Variants in VWF observed in about 807,000 individuals in gnomAD.
VWF encodes Factor VIII related antigen.
A neutral mutation model predicts 308.6 loss-of-function variants in VWF; 176 were observed. The observed-to-expected ratio is 0.57, with a 90% CI of 0.50 to 0.65. VWF has a LOEUF of 0.65. VWF is among the 30% of genes least tolerant of loss of function. The probability of loss-of-function intolerance (pLI) is 0.00; values close to 1 mark genes in which losing one functional copy is unlikely to be tolerated. For synonymous variants in VWF, 1,385 were observed against 1,443.4 expected, an observed-to-expected ratio of 0.96 and a Z score of 0.92; for missense variants, 3,146 against 3,648.2, an observed-to-expected ratio of 0.86 and a Z score of 3.55.
chr12:6,107,768 C>A (rs1286567699), intron 5 of VWF, among the ~76,000 whole-genome samples: 2 of 152,186 alleles, frequency 1.3e-5, no homozygotes, highest in Admixed American at 1.3e-4. Flanking sequence ...ATGCCATTCT[C>A]CTGCCTCAGC....
At position 6,049,980 on chromosome 12, in the gene VWF, C is replaced by T. The variant is rs184022313; in HGVS notation, c.2186+2563G>A. ...TCTTTTCTGCCCTCTGGCCCACTCC[C>T]CTTAGGGATCCTCGCTACTCTCATG... On this transcript the variant is annotated intron_variant, in intron 16 of 51. Coordinates refer to ENST00000261405, the MANE Select transcript of VWF (RefSeq NM_000552.5). Among the ~76,000 whole-genome samples the T allele has an allele frequency of 2.0e-5, 3 of 152,348 alleles. No individual in the cohort carries two copies. The East Asian group carries it at 5.8e-4, about 29-fold the overall frequency.
chr12:5,968,169 TGG>T lies in VWF; in HGVS notation c.7730-4_7730-3del, dbSNP rs1943426603. On this transcript the variant is annotated splice_polypyrimidine_tract_variant and splice_region_variant and intron_variant, in intron 45 of 51. Transcript: ENST00000261405. ...TGAGCATGCAGGCCTCCATGCGCTC[TGG>T]GGGAGAGAAAAGTGCAGAGTGAGAG... 4 of 1,614,000 alleles carry T rather than the reference TGG, an allele frequency of 2.5e-6. No individual in the cohort carries two copies. Among genetic ancestry groups the T allele is most frequent in the African/African-American group, 1.3e-5 (1 of 75,038 alleles).
At chr12:6,065,094 C>CT (rs748158924) in intron 11 of VWF, 43 bp downstream of exon 11, 6 of 1,613,478 alleles carry the variant, frequency 3.7e-6, no homozygotes, top group Non-Finnish European at 5.1e-6. Flanking sequence ...TATGCAGCAC[C>CT]TTGGGCTACC....
intron 34 of VWF, among the ~76,000 whole-genome samples, chr12:5,996,441 T>C (rs750578730): frequency 6.6e-6 from 1 of 152,198 alleles, no homozygotes; most frequent in Non-Finnish European, 1.5e-5. Context: ...ACTTGGCCAT[T>C]AAATATTTTC....
chr12:6,073,554 C>A, intron 8 of VWF, 65 bp downstream of exon 8: 2 of 1,611,532 alleles, frequency 1.2e-6, no homozygotes, highest in South Asian at 1.1e-5. Flanking sequence ...GCCTTCATCT[C>A]ACTTCCCAAA....
At chr12:6,095,826 A>C (rs902720189) in intron 5 of VWF, 1 of 483,090 alleles carries the variant, frequency 2.1e-6, no homozygotes, top group Admixed American at 3.0e-5. Flanking sequence ...ACCCCTCCTC[A>C]GGCAACCCAG....
At chr12:6,052,363 G>A (rs541302099) in intron 16 of VWF, among the ~76,000 whole-genome samples, 180 bp downstream of exon 16, 1 of 152,342 alleles carries the variant, frequency 6.6e-6, no homozygotes, top group Admixed American at 6.5e-5. Flanking sequence ...GTGTAGTAAG[G>A]AAGTCAGAAG....
At chr12:5,959,895 G>A (rs1482046062) in intron 47 of VWF, among the ~76,000 whole-genome samples, 1 of 151,172 alleles carries the variant, frequency 6.6e-6, no homozygotes, top group Non-Finnish European at 1.5e-5. Flanking sequence ...CATGAGCTAA[G>A]CTTCCATATT....
chr12:6,120,739 G>A (rs1344234362), intron 3 of VWF, among the ~76,000 whole-genome samples: 2 of 152,168 alleles, frequency 1.3e-5, no homozygotes, highest in Non-Finnish European at 2.9e-5. Flanking sequence ...ACATGGCAGG[G>A]ACAGTACCAG....
chr12:6,095,662 C>A, intron 5 of VWF, 78 bp from the exon 6 acceptor site: 2 of 1,604,180 alleles, frequency 1.2e-6, no homozygotes, highest in Non-Finnish European at 1.7e-6. Context: ...TCTAGGTCTG[C>A]TGGTGGTTTT....
chr12:6,122,402 G>A (rs1350568488), intron 2 of VWF, among the ~76,000 whole-genome samples: 2 of 152,232 alleles, frequency 1.3e-5, no homozygotes, highest in African/African-American at 4.8e-5. Context: ...CGGCGTCACA[G>A]GCTAACTCCT....
intron 5 of VWF, among the ~76,000 whole-genome samples, chr12:6,101,762 G>A (rs1418783713): frequency 2.0e-5 from 3 of 152,002 alleles, no homozygotes; most frequent in African/African-American, 4.8e-5. Context: ...GCGACAGAGT[G>A]AGACTCCATC....
At position 6,016,534 on chromosome 12, in the gene VWF, C is replaced by A. The variant is rs1268910016; in HGVS notation, c.5293G>T (p.Gly1765Ter). 1.9e-6 allele frequency: 3 copies of A among 1,614,072 alleles called. No homozygotes were observed. Among genetic ancestry groups the A allele is most frequent in the Non-Finnish European group, 2.5e-6 (3 of 1,180,038 alleles). The change falls in exon 30 of 52, where the codon GGA (glycine) becomes TGA (stop). Residue 1765 changes from glycine (G) to a stop codon, truncating the protein, a stop_gained. Coordinates refer to ENST00000261405, the MANE Select transcript of VWF (RefSeq NM_000552.5). LOFTEE classifies it high-confidence loss of function. ...ACGTTACCGATTTGGCTGGGGCCTC[C>A]CTCCCGCTGCATGACGTCCACAAGG... Reference protein sequence around the residue: ...LSLVDVMQREGGPSQIGDALG... With the variant: ...LSLVDVMQRE
chr12:6,009,545 C>T (rs1943968808), intron 34 of VWF, among the ~76,000 whole-genome samples: 2 of 151,952 alleles, frequency 1.3e-5, no homozygotes, highest in African/African-American at 2.4e-5. Flanking sequence ...AGTGGTGTCG[C>T]GACTACAGAA....
At chr12:5,965,162 C>T (rs75016138) in intron 47 of VWF, among the ~76,000 whole-genome samples, 4,611 of 152,276 alleles carry the variant, frequency 0.03, 202 homozygotes, top group African/African-American at 0.099. Context: ...AAACATCCTT[C>T]TCAGGAGCAG....
rs780395497 is a variant in VWF, at chr12:6,075,407, G to A, written c.802C>T (p.Leu268Phe). 3.1e-6 allele frequency: 5 copies of A among 1,614,116 alleles called. No individual in the cohort carries two copies. Among genetic ancestry groups the A allele is most frequent in the Non-Finnish European group, 4.2e-6 (5 of 1,180,024 alleles). ...AGGLECACPA[L>F]LEYARTCAQE... ...GCACAGGTCCGGGCGTACTCCAGGA[G>A]GGCAGGGCAGGCGCACTCCAGCCCC... is the stretch of plus-strand genomic sequence containing the variant. The change falls in exon 7 of 52, where the codon CTC becomes TTC. Residue 268 changes from leucine (L) to phenylalanine (F), a missense_variant. Transcript: ENST00000261405. This position sits in a 1 kb window ranked among gnomAD's most constrained non-coding sequence, Gnocchi z 4.7.
rs773645441 is a variant in VWF at position 6,026,075 on chromosome 12, C to T, written c.2968-29G>A. On this transcript the variant is annotated intron_variant, in intron 22 of 51. Coordinates refer to ENST00000261405, the MANE Select transcript of VWF (RefSeq NM_000552.5). ...GAGAGACAAGTTGAGGGATGAGCAC[C>T]GTCAAGCCCAGGAGCATGCTCTCCG... 14 of 1,613,774 alleles carry T rather than the reference C, an allele frequency of 8.7e-6. No individual in the cohort carries two copies. In the Middle Eastern group the frequency reaches 4.9e-4, roughly 57 times the overall value.
At chr12:6,120,328 GT>G (rs1041593699) in intron 3 of VWF, among the ~76,000 whole-genome samples, 48 of 145,622 alleles carry the variant, frequency 3.3e-4, no homozygotes, top group African/African-American at 5.3e-4. Context: ...TTTGTGGGTT[GT>G]TTTTTTTTTT....
rs1297191367 is a variant in VWF, at chr12:6,013,465, G to A, written c.5620+16C>T. 1 of 1,614,106 alleles carries A rather than the reference G, an allele frequency of 6.2e-7. No individual in the cohort carries two copies. The highest frequency in any genetic ancestry group is 1.6e-4 in the Middle Eastern group (1 of 6,062). Reference sequence around the variant, plus strand: ...CTTTTTTTTGAGGGAAGTAAGAAAGGTATTATAAGACTCACCAGAGCACAG... The same window carrying A: ...CTTTTTTTTGAGGGAAGTAAGAAAGATATTATAAGACTCACCAGAGCACAG... On this transcript the variant is annotated intron_variant, in intron 32 of 51. Transcript: ENST00000261405.
Sources: gnomAD v4.1 joint callset for allele counts (sites outside exome capture counted in the v4.1 genomes callset) on GRCh38, gnomAD v4.1.1 for gene constraint, Gnocchi (gnomAD v3.1) non-coding constraint, MANE v1.5 for transcripts, NCBI Gene and HGNC (gene_info 2026-07-23, HGNC 2026-07-21) for gene names.